GOLM1: variants seen among roughly 807,000 people sequenced by gnomAD.
The protein encoded by GOLM1 is golgi membrane protein 1, also known as epididymis luminal protein 46.
A neutral mutation model predicts 50.5 loss-of-function variants in GOLM1; 31 were observed. That is an observed-to-expected ratio of 0.61 (90% confidence interval 0.46 to 0.83). The LOEUF is 0.83. GOLM1 is among the 40% of genes least tolerant of loss of function. GOLM1 has a pLI of 0.00. For missense variants in GOLM1, 491 were observed against 501.3 expected (o/e 0.98, Z 0.20); for synonymous variants, 178 against 192.8 (o/e 0.92, Z 0.64).
chr9:86,078,026 G>A (rs940000048), intron 2 of GOLM1: 6 of 162,834 alleles, frequency 3.7e-5, no homozygotes, highest in East Asian at 1.7e-4. Context: ...CAGAGAACAG[G>A]AACTCCCGTG....
rs1006448547 is a variant in GOLM1 at position 86,050,481 on chromosome 9, T to C, written c.364+2056A>G. ...ACCTCTGGCAGAATTCGGCTGTGAA[T>C]TGCCTGGTCCTGGACTTTTTTTGGT... On this transcript the variant is annotated intron_variant, in intron 4 of 9. Transcript: ENST00000388712. Among the ~76,000 whole-genome samples the C allele has an allele frequency of 3.9e-5, 6 of 152,266 alleles. No homozygotes were observed. The South Asian group carries it at 6.2e-4, about 16-fold the overall frequency.
At chr9:86,080,140 T>C (rs1451916248) in intron 1 of GOLM1, 3 of 152,340 alleles carry the variant, frequency 2.0e-5, no homozygotes, top group Admixed American at 2.0e-4. Context: ...CGAACATTCA[T>C]TTCTCACTTT....
chr9:86,028,359 G>A (rs547086590), intron 9 of GOLM1, among the ~76,000 whole-genome samples: 2 of 152,186 alleles, frequency 1.3e-5, no homozygotes, highest in Non-Finnish European at 2.9e-5. Context: ...CGATTCGGAC[G>A]CCAAGGGAAA....
intron 5 of GOLM1, among the ~76,000 whole-genome samples, chr9:86,041,157 G>T (rs1448487195): frequency 6.6e-6 from 1 of 152,054 alleles, no homozygotes; most frequent in Non-Finnish European, 1.5e-5. Context: ...ATATGTATTG[G>T]TCTTTGTCCC....
chr9:86,036,814 A>T, intron 6 of GOLM1: 1 of 365,408 alleles, frequency 2.7e-6, no homozygotes, highest in Non-Finnish European at 4.9e-6. Flanking sequence ...AACAAAAAAG[A>T]CATGAACGAC....
chr9:86,096,514 C>T (rs1013159919), intron 1 of GOLM1, among the ~76,000 whole-genome samples: 1 of 152,094 alleles, frequency 6.6e-6, no homozygotes, highest in African/African-American at 2.4e-5. Context: ...TGTGGCCGAC[C>T]CCAGACCTAC....
intron 3 of GOLM1, among the ~76,000 whole-genome samples, chr9:86,062,008 G>A (rs918553018): frequency 1.3e-5 from 2 of 151,732 alleles, no homozygotes; most frequent in African/African-American, 4.8e-5. Flanking sequence ...GAGATTAAGT[G>A]TAACTTTCTA....
intron 3 of GOLM1, among the ~76,000 whole-genome samples, chr9:86,060,462 C>G (rs1230730104): frequency 6.6e-6 from 1 of 152,170 alleles, no homozygotes; most frequent in Admixed American, 6.5e-5. Flanking sequence ...ACAGCCACCA[C>G]TGAGCCAAAT....
rs370268395 is a variant in GOLM1 at position 86,036,412 on chromosome 9, G to C, written c.693C>G (p.Ser231Arg). 8.1e-6 allele frequency: 13 copies of C among 1,614,046 alleles called. No homozygotes were observed. The highest frequency in any genetic ancestry group is 1.1e-5 in the Non-Finnish European group (13 of 1,180,010). Residue 231 changes from serine to arginine, a missense_variant, in exon 7 of 10, where the codon AGC becomes AGG. Physicochemically the swap from Ser to Arg is moderately radical, Grantham distance 110. Transcript: ENST00000388712. ...PQGKGNVLGNSKSQTPAPSSE... is the reference protein window; with the variant it reads ...PQGKGNVLGNRKSQTPAPSSE... ...AACTGGGGGCTGGTGTCTGGGACTT[G>C]CTGTTACCAAGCACGTTTCCCTTCC...
chr9:86,074,512 T>C (rs1834551567), intron 3 of GOLM1, among the ~76,000 whole-genome samples: 1 of 152,146 alleles, frequency 6.6e-6, no homozygotes, highest in South Asian at 2.1e-4. Flanking sequence ...CCCTCCACCT[T>C]GGCGCCCTTC....
At chr9:86,098,921 G>C (rs2118924713) in intron 1 of GOLM1, among the ~76,000 whole-genome samples, 1 of 152,306 alleles carries the variant, frequency 6.6e-6, no homozygotes, top group South Asian at 2.1e-4. Context: ...CAGGGCGGCC[G>C]GAGCGCGCCT....
chr9:86,027,864 T>G lies in GOLM1; in HGVS notation c.1159A>C (p.Thr387Pro). 1 of 1,609,626 alleles carries G rather than the reference T, an allele frequency of 6.2e-7. No individual in the cohort carries two copies. ...VFNVEDQKRD[T>P]INLLDQREKR... ...TCACGCTGATCAAGTAAATTTATGG[T>G]GTCTCTTTTCTGATCTTCAACATTA... Residue 387 changes from threonine to proline, a missense_variant, in exon 10 of 10, where the codon ACC (threonine) becomes CCC (proline). By Grantham distance (38) the Thr-to-Pro change is conservative. Coordinates refer to ENST00000388712, the MANE Select transcript of GOLM1 (RefSeq NM_016548.4).
At chr9:86,066,277 A>C (rs184740512) in intron 3 of GOLM1, among the ~76,000 whole-genome samples, 1 of 152,284 alleles carries the variant, frequency 6.6e-6, no homozygotes, top group Admixed American at 6.5e-5. Context: ...AACACCTCAG[A>C]GCCTCCTCGT....
At chr9:86,077,909 T>C in intron 2 of GOLM1, 1 of 312,608 alleles carries the variant, frequency 3.2e-6, no homozygotes, top group Non-Finnish European at 5.8e-6. Flanking sequence ...TGCTCAAATA[T>C]TTAGTTCTTC....
chr9:86,096,363 G>A (rs1313407835), intron 1 of GOLM1, among the ~76,000 whole-genome samples: 1 of 152,174 alleles, frequency 6.6e-6, no homozygotes, highest in Non-Finnish European at 1.5e-5. Context: ...AGGGACCACA[G>A]GGTCTGCAAC....
intron 3 of GOLM1, among the ~76,000 whole-genome samples, chr9:86,063,281 G>A (rs571036186): frequency 6.6e-6 from 1 of 152,362 alleles, no homozygotes; most frequent in African/African-American, 2.4e-5. Context: ...AAGGGCTGGA[G>A]GCCTGGGGCT....
intron 9 of GOLM1, among the ~76,000 whole-genome samples, chr9:86,030,459 C>A (rs990744267): frequency 9.9e-5 from 15 of 152,146 alleles, no homozygotes; most frequent in Non-Finnish European, 1.6e-4. Context: ...ATTGAAACAA[C>A]TGACATCCTG....
intron 3 of GOLM1, among the ~76,000 whole-genome samples, chr9:86,074,540 A>G (rs1587729652): frequency 6.6e-6 from 1 of 152,120 alleles, no homozygotes; most frequent in Non-Finnish European, 1.5e-5. Flanking sequence ...GGCAGCCAAG[A>G]AGTTGTGTCT....
intron 9 of GOLM1, among the ~76,000 whole-genome samples, chr9:86,032,089 C>A (rs1389916893): frequency 6.6e-6 from 1 of 152,048 alleles, no homozygotes; most frequent in Non-Finnish European, 1.5e-5. Flanking sequence ...AGAGACCAGG[C>A]GAACTCACTC....
Sources: allele counts gnomAD v4.1 joint callset (sites outside exome capture counted in the v4.1 genomes callset), GRCh38; gene constraint gnomAD v4.1.1; transcripts MANE v1.5; gene names NCBI Gene and HGNC (gene_info 2026-07-23, HGNC 2026-07-21).